TSHR: variants seen among roughly 807,000 people sequenced by gnomAD.
TSHR encodes the protein thyroid stimulating hormone receptor, also known as thyrotropin receptor.
A neutral mutation model predicts 64.1 loss-of-function variants in TSHR; 51 were observed. The observed-to-expected ratio is 0.80, with a 90% CI of 0.64 to 1.01. The LOEUF is 1.01. Among genes scored for constraint, TSHR ranks in the 50% least tolerant of loss-of-function variants. The pLI is 0.00. For missense variants in TSHR, 877 were observed against 942.8 expected (o/e 0.93, Z 0.91); for synonymous variants, 361 against 361.9 (o/e 1.00, Z 0.03).
intron 8 of TSHR, among the ~76,000 whole-genome samples, chr14:81,113,703 CAA>C (rs33949164): frequency 0.069 from 10,485 of 151,954 alleles, 913 homozygotes; most frequent in East Asian, 0.23. Flanking sequence ...CTTCAAAAAC[CAA>C]GAGAGAGCTG....
intron 7 of TSHR, among the ~76,000 whole-genome samples, chr14:81,100,411 G>T (rs1228056841): frequency 6.6e-6 from 1 of 152,134 alleles, no homozygotes; most frequent in South Asian, 2.1e-4. Flanking sequence ...CAACAGTTTT[G>T]ACACCAAATG....
chr14:81,035,765 A>G (rs1489393152), intron 1 of TSHR, among the ~76,000 whole-genome samples: 2 of 152,132 alleles, frequency 1.3e-5, no homozygotes, highest in African/African-American at 4.8e-5. Context: ...TGTACACTTT[A>G]CCCCTTACAT....
chr14:80,983,276 G>A, intron 1 of TSHR: 3 of 1,205,278 alleles, frequency 2.5e-6, no homozygotes, highest in Non-Finnish European at 3.5e-6. Context: ...CTGGATCAAA[G>A]ATACTAGGGC....
rs1273226258 is a variant in TSHR at position 81,037,448 on chromosome 14, A to AAAAAAAAAAAAAAAAAAAAAC, written c.171-24698_171-24697insAAAAAAAAAAAAAAAAAACAA. On this transcript the variant is annotated intron_variant, in intron 1 of 9. Coordinates refer to ENST00000298171, the MANE Select transcript of TSHR (RefSeq NM_000369.5). The stretch of plus-strand genomic sequence containing the variant: ...ACAAACAAACAAACAAACAAACAAA[A>AAAAAAAAAAAAAAAAAAAAAC]AACAGAAAATGATCTAACAAAATGT... Among the ~76,000 whole-genome samples, 20 of 128,526 alleles carry AAAAAAAAAAAAAAAAAAAAAC rather than the reference A, an allele frequency of 1.6e-4. 1 individual carries two copies. Among genetic ancestry groups the AAAAAAAAAAAAAAAAAAAAAC allele is most frequent in the Non-Finnish European group, 2.8e-4 (15 of 54,380 alleles). 84.3% of individuals were successfully genotyped at this position (128,526 alleles called of 152,430 possible). A position where few individuals can be genotyped will look rare whatever the true frequency, so the allele number is the denominator to read the frequency against.
chr14:81,008,507 T>C lies in TSHR; in HGVS notation c.170+52657T>C, dbSNP rs187167847. Among the ~76,000 whole-genome samples the C allele has an allele frequency of 3.9e-5, 6 of 152,324 alleles. No individual in the cohort carries two copies. In the East Asian group the frequency reaches 9.7e-4, roughly 25 times the overall value. Reference sequence around the variant, plus strand: ...TTTTCTAGAACCAACAGGTAAAATTTACTAGAGATTTTATCTTGGACGTGA... The same window carrying C: ...TTTTCTAGAACCAACAGGTAAAATTCACTAGAGATTTTATCTTGGACGTGA... On this transcript the variant is annotated intron_variant, in intron 1 of 9. Transcript: ENST00000298171.
At chr14:81,129,980 T>C (rs1020110514) in intron 8 of TSHR, among the ~76,000 whole-genome samples, 1 of 152,186 alleles carries the variant, frequency 6.6e-6, no homozygotes, top group Non-Finnish European at 1.5e-5. Flanking sequence ...TTCGTGAATA[T>C]GGATTAAAAG....
At chr14:81,108,904 T>C (rs959818447) in intron 8 of TSHR, 6 of 1,418,776 alleles carry the variant, frequency 4.2e-6, no homozygotes, top group Non-Finnish European at 5.5e-6. Context: ...CTTACAATCA[T>C]GGGGAAAGAT....
chr14:81,121,669 C>A (rs1030700296), intron 8 of TSHR, among the ~76,000 whole-genome samples: 5 of 152,062 alleles, frequency 3.3e-5, no homozygotes, highest in African/African-American at 1.2e-4. Context: ...TGGCTGGGCA[C>A]GGTGTATCAT....
chr14:80,958,582 G>T (rs1284971475), intron 1 of TSHR, among the ~76,000 whole-genome samples: 1 of 152,112 alleles, frequency 6.6e-6, no homozygotes, highest in Non-Finnish European at 1.5e-5. Flanking sequence ...AAGAAGGAAG[G>T]AAGAAAGAGA....
chr14:81,078,035 C>T (rs1265904057), intron 3 of TSHR, among the ~76,000 whole-genome samples: 1 of 152,058 alleles, frequency 6.6e-6, no homozygotes, highest in East Asian at 1.9e-4. Flanking sequence ...TTATAAACCT[C>T]ATAATACATT....
intron 1 of TSHR, chr14:80,983,460 G>T: frequency 7.5e-7 from 1 of 1,329,578 alleles, no homozygotes; most frequent in South Asian, 1.3e-5. Flanking sequence ...GGCACTGGCA[G>T]CATCAAAACT....
intron 3 of TSHR, among the ~76,000 whole-genome samples, chr14:81,076,800 C>A (rs972117541): frequency 2.0e-5 from 3 of 152,156 alleles, no homozygotes; most frequent in Non-Finnish European, 4.4e-5. Context: ...CAATTGATTT[C>A]CTCTAATTCA....
In TSHR at chr14:81,037,934, C is replaced by CA. The variant is rs561276007; in HGVS notation, c.171-24203dup. 3.4e-3 allele frequency among the ~76,000 whole-genome samples: 485 copies of CA among 142,370 alleles called. 2 individuals are homozygous for CA. Among genetic ancestry groups the CA allele is most frequent in the African/African-American group, 5.1e-3 (200 of 38,950 alleles). 93.4% of individuals were successfully genotyped at this position (142,370 alleles called of 152,430 possible). On this transcript the variant is annotated intron_variant, in intron 1 of 9. Coordinates refer to ENST00000298171, the MANE Select transcript of TSHR (RefSeq NM_000369.5). ...ATAGATCATCCAAACTGAAAATCAG[C>CA]AAAAAAAAAAACACTGGATTTATAC...
At chr14:81,112,562 C>G (rs1418482191) in intron 8 of TSHR, among the ~76,000 whole-genome samples, 1 of 152,210 alleles carries the variant, frequency 6.6e-6, no homozygotes, top group Non-Finnish European at 1.5e-5. Context: ...CTTGCTCCCT[C>G]TCATTCCTAT....
chr14:81,062,264 T>G, intron 2 of TSHR, 45 bp downstream of exon 2: 1 of 1,447,204 alleles, frequency 6.9e-7, no homozygotes, highest in Non-Finnish European at 9.7e-7. Context: ...TGTGATATGT[T>G]ATTCTCTAAA....
At chr14:81,095,145 T>C (rs1450733320) in intron 6 of TSHR, among the ~76,000 whole-genome samples, 1 of 152,194 alleles carries the variant, frequency 6.6e-6, no homozygotes, top group South Asian at 2.1e-4. Flanking sequence ...AGTGTGGTTA[T>C]AGCTGTCTTC....
chr14:81,062,536 G>A (rs968585032), intron 2 of TSHR, among the ~76,000 whole-genome samples: 6 of 151,874 alleles, frequency 4.0e-5, no homozygotes, highest in East Asian at 1.9e-4. Flanking sequence ...TAAACATCCC[G>A]TAGTTTATAA....
At chr14:81,126,758 C>T (rs552701630) in intron 8 of TSHR, among the ~76,000 whole-genome samples, 7 of 152,142 alleles carry the variant, frequency 4.6e-5, no homozygotes, top group South Asian at 2.1e-4. Flanking sequence ...GCAAGTAGGA[C>T]GATAATTACT....
chr14:80,957,849 A>G (rs947255708), intron 1 of TSHR: 1 of 152,244 alleles, frequency 6.6e-6, no homozygotes, highest in Non-Finnish European at 1.5e-5. Flanking sequence ...AGGTGATGAC[A>G]TGATGCTGAT....
Sources: gnomAD v4.1 joint callset for allele counts (sites outside exome capture counted in the v4.1 genomes callset) on GRCh38, gnomAD v4.1.1 for gene constraint, MANE v1.5 for transcripts, NCBI Gene and HGNC (gene_info 2026-07-23, HGNC 2026-07-21) for gene names.